The following EIF4B variants were observed in gnomAD, a reference collection of about 807,000 sequenced individuals.
EIF4B encodes the protein eukaryotic translation initiation factor 4B.
In EIF4B, 8 loss-of-function variants were observed where a neutral mutation model predicts 79.3. The ratio of observed to expected loss-of-function variants is 0.10; its 90% CI spans 0.06 to 0.18. EIF4B has a LOEUF of 0.18. EIF4B is among the 10% of genes least tolerant of loss of function. The probability of loss-of-function intolerance (pLI) is 1.00; values close to 1 mark genes in which losing one functional copy is unlikely to be tolerated. For synonymous variants in EIF4B, 238 were observed against 274.7 expected, an observed-to-expected ratio of 0.87 and a Z score of 1.32; for missense variants, 515 against 792.4, an observed-to-expected ratio of 0.65 and a Z score of 4.20.
At chr12:53,025,410 CAG>C in intron 6 of EIF4B, 1 of 361,984 alleles carries the variant, frequency 2.8e-6, no homozygotes, top group Admixed American at 3.7e-5. Context: ...ATTAAAGATC[CAG>C]AGACTCCTGT....
chr12:53,012,629 G>A (rs181891589), intron 1 of EIF4B, among the ~76,000 whole-genome samples: 40 of 147,100 alleles, frequency 2.7e-4, no homozygotes, highest in South Asian at 1.1e-3. Context: ...TGTGGGGGAC[G>A]GAGTCTCGCT....
Position 53,040,753 on chromosome 12 carries a change from A to AT in EIF4B, c.*532dup, listed in dbSNP as rs1245253700. The AT allele has an allele frequency of 6.6e-6, 1 of 151,076 alleles. No homozygotes were observed. Among genetic ancestry groups the AT allele is most frequent in the Non-Finnish European group, 1.5e-5 (1 of 67,990 alleles). 9.4% of individuals were successfully genotyped at this position (151,076 alleles called of 1,614,324 possible). A position where few individuals can be genotyped will look rare whatever the true frequency, so the allele number is the denominator to read the frequency against. ...GGCTGCCAGCCCCTCCTCTTATTTA[A>AT]TTCTGAGTTTTGGGGGCCAGCCTAG... On this transcript the variant is annotated 3_prime_UTR_variant, in exon 15 of 15. Coordinates refer to ENST00000262056, the MANE Select transcript of EIF4B (RefSeq NM_001417.7).
chr12:53,034,864 G>C, intron 10 of EIF4B, 155 bp downstream of exon 10: 1 of 689,104 alleles, frequency 1.5e-6, no homozygotes, highest in East Asian at 3.1e-5. Flanking sequence ...CTGCTCCAAA[G>C]AATCTGAGGA....
At chr12:53,007,112 G>C (rs1249007671) in intron 1 of EIF4B, among the ~76,000 whole-genome samples, 1 of 152,168 alleles carries the variant, frequency 6.6e-6, no homozygotes, top group African/African-American at 2.4e-5. Context: ...CCTGTGTTGC[G>C]CACTTATGTC....
chr12:53,030,413 C>CTTTTTTTTTTTTTTTTTTTGTTTTTTTT (rs1943416591), intron 8 of EIF4B, among the ~76,000 whole-genome samples: 1 of 43,066 alleles, frequency 2.3e-5, no homozygotes, highest in Non-Finnish European at 5.9e-5. Context: ...AAATTATATT[C>CTTTTTTTTTTTTTTTTTTTGTTTTTTTT]TTTTTTTTTT....
chr12:53,006,593 G>A, intron 1 of EIF4B, 97 bp downstream of exon 1: 1 of 1,601,380 alleles, frequency 6.2e-7, no homozygotes. Context: ...TGCTGGCACT[G>A]GTTCCTTTCT....
At chr12:53,039,066 G>A in intron 12 of EIF4B, 172 bp from the exon 13 acceptor site, 1 of 525,516 alleles carries the variant, frequency 1.9e-6, no homozygotes, top group Non-Finnish European at 3.4e-6. Flanking sequence ...GTATTTTTGT[G>A]TGCTGTAGAG....
intron 11 of EIF4B, 89 bp downstream of exon 11, chr12:53,037,711 G>A (rs1029049753): frequency 1.2e-5 from 16 of 1,374,388 alleles, no homozygotes; most frequent in East Asian, 7.2e-5. Context: ...GGATGCCAGC[G>A]TTGTATAGCA....
intron 10 of EIF4B, among the ~76,000 whole-genome samples, chr12:53,036,402 G>A (rs1040937757): frequency 2.0e-5 from 3 of 151,938 alleles, no homozygotes; most frequent in Non-Finnish European, 2.9e-5. Flanking sequence ...GTGAGCCGCC[G>A]TGCCCGGCCT....
At chr12:53,028,286 T>C (rs1214553809) in intron 8 of EIF4B, 98 bp downstream of exon 8, 24 of 1,441,318 alleles carry the variant, frequency 1.7e-5, no homozygotes, top group Admixed American at 1.0e-4. Context: ...GGCACAAATA[T>C]AATTTGCACA....
At position 53,039,893 on chromosome 12, in the gene EIF4B, T is replaced by C. The variant is rs74502990; in HGVS notation, c.1755+191T>C. ...GAAATAGCGAAAGAAGTTTAGCTTT[T>C]TCCTGGTTTCTGTCTTCCTTTGTTC... On this transcript the variant is annotated intron_variant, in intron 14 of 14. Transcript: ENST00000262056. 1,618 of 768,782 alleles carry C rather than the reference T, an allele frequency of 2.1e-3. 18 individuals carry two copies. The African/African-American group carries it at 0.024, about 11-fold the overall frequency. 47.6% of individuals were successfully genotyped at this position (768,782 alleles called of 1,614,324 possible).
At position 53,027,779 on chromosome 12, in the gene EIF4B, T is replaced by C. The variant is rs769999484; in HGVS notation, c.668-3T>C. 10 of 1,612,544 alleles carry C rather than the reference T, an allele frequency of 6.2e-6. No homozygotes were observed. Among genetic ancestry groups the C allele is most frequent in the Admixed American group, 1.7e-5 (1 of 60,020 alleles). On this transcript the variant is annotated splice_polypyrimidine_tract_variant and splice_region_variant and intron_variant, in intron 6 of 14. Coordinates refer to ENST00000262056, the MANE Select transcript of EIF4B (RefSeq NM_001417.7). Reference sequence around the variant, plus strand: ...GATGGTGTTACTTGTCTGTTTCCTCTAGAGTATCGAGATCGTTATGATTCA... The same window carrying C: ...GATGGTGTTACTTGTCTGTTTCCTCCAGAGTATCGAGATCGTTATGATTCA...
At chr12:53,037,812 G>C (rs1739902607) in intron 11 of EIF4B, 190 bp downstream of exon 11, 2 of 641,486 alleles carry the variant, frequency 3.1e-6, no homozygotes, top group Non-Finnish European at 5.5e-6. Flanking sequence ...CCACCACTTT[G>C]ATAGCTTGAA....
At position 53,018,911 on chromosome 12, in the gene EIF4B, C is replaced by T. The variant is rs1943192096; in HGVS notation, c.265C>T (p.Arg89Cys). The T allele has an allele frequency of 6.2e-7, 1 of 1,613,978 alleles. No individual in the cohort carries two copies. Among genetic ancestry groups the T allele is most frequent in the Non-Finnish European group, 8.5e-7 (1 of 1,179,898 alleles). ...AAREPNIDRS[R>C]LPKSPPYTAF... ...TCGGGAACCCAATATCGACCGGAGC[C>T]GTCTTCCCAAATCGCCACCCTACAC... Residue 89 changes from arginine to cysteine, a missense_variant, in exon 3 of 15, where the codon CGT (arginine) becomes TGT (cysteine). This residue lies in a region of EIF4B where 105 missense variants were observed against 177.2 expected (regional missense o/e 0.59). Transcript: ENST00000262056.
At chr12:53,025,855 C>G (rs1943324511) in intron 6 of EIF4B, among the ~76,000 whole-genome samples, 1 of 152,146 alleles carries the variant, frequency 6.6e-6, no homozygotes, top group Non-Finnish European at 1.5e-5. Flanking sequence ...CGCCTGTAAT[C>G]CCAGCACTTT....
chr12:53,016,751 C>CT, intron 2 of EIF4B, 141 bp downstream of exon 2: 4 of 1,272,844 alleles, frequency 3.1e-6, no homozygotes, highest in Non-Finnish European at 3.1e-6. Context: ...TTTATAGAAT[C>CT]TAAGGTTTAA....
In EIF4B at chr12:53,041,286, C is replaced by T. The variant is rs1300536764; in HGVS notation, c.*1063C>T. On this transcript the variant is annotated 3_prime_UTR_variant, in exon 15 of 15. Transcript: ENST00000262056. ...CGGTTTCTTGATGTCTTTTGGTTCT[C>T]CTTGCCTGCTCCTGATGCTTGGACC... 6.6e-6 allele frequency: 1 copy of T among 152,154 alleles called. No homozygotes were observed. Among genetic ancestry groups the T allele is most frequent in the Non-Finnish European group, 1.5e-5 (1 of 68,036 alleles). The allele number at this position is 152,154 out of a possible 1,614,324, so 9.4% of individuals were successfully genotyped here.
At chr12:53,027,715 A>G in intron 6 of EIF4B, 67 bp from the exon 7 acceptor site, 1 of 1,546,940 alleles carries the variant, frequency 6.5e-7, no homozygotes, top group Non-Finnish European at 8.8e-7. Flanking sequence ...TTGGACTGAT[A>G]GCTTACCGTG....
At chr12:53,035,376 C>CT (rs1055166128) in intron 10 of EIF4B, among the ~76,000 whole-genome samples, 11 of 149,024 alleles carry the variant, frequency 7.4e-5, no homozygotes, top group East Asian at 2.0e-4. Flanking sequence ...TATTTATTTT[C>CT]TTTTTTTTTT....
Sources: gnomAD v4.1 joint callset for allele counts (sites outside exome capture counted in the v4.1 genomes callset) on GRCh38, gnomAD v4.1.1 for gene constraint, gnomAD v4.1.1 regional missense constraint, MANE v1.5 for transcripts, NCBI Gene and HGNC (gene_info 2026-07-23, HGNC 2026-07-21) for gene names.